Variants in ENPEP observed in about 807,000 individuals in gnomAD.
ENPEP encodes the protein AP-A.
In ENPEP, 103 loss-of-function variants were observed where a neutral mutation model predicts 114.5. The ratio of observed to expected loss-of-function variants is 0.90; its 90% confidence interval spans 0.77 to 1.06. The LOEUF (loss-of-function observed/expected upper bound fraction) is 1.06, where lower values mean the gene tolerates loss of function less well. ENPEP is among the 50% of genes least tolerant of loss of function. The probability of loss-of-function intolerance (pLI) is 0.00; values close to 1 mark genes in which losing one functional copy is unlikely to be tolerated. For missense variants in ENPEP, 1,196 were observed against 1,161.3 expected (o/e 1.03, Z -0.43); for synonymous variants, 420 against 422.0 (o/e 1.00, Z 0.06).
At chr4:110,560,206 G>C (rs1247769182) in intron 19 of ENPEP, among the ~76,000 whole-genome samples, 1 of 152,168 alleles carries the variant, frequency 6.6e-6, no homozygotes, top group Non-Finnish European at 1.5e-5. Context: ...TGGGCATTTA[G>C]GTTGGTTCCA....
chr4:110,506,614 A>AT (rs1470182598), intron 3 of ENPEP, 23 bp from the exon 4 acceptor site: 3 of 1,575,798 alleles, frequency 1.9e-6, no homozygotes, highest in Non-Finnish European at 2.6e-6. Flanking sequence ...TTTTCACTGA[A>AT]TTTTTTGTGT....
At chr4:110,540,927 A>T (rs1372581835) in intron 11 of ENPEP, among the ~76,000 whole-genome samples, 1 of 152,112 alleles carries the variant, frequency 6.6e-6, no homozygotes, top group Non-Finnish European at 1.5e-5. Context: ...CAGAGGGGTC[A>T]AGTGATCTGG....
chr4:110,517,259 C>T (rs1008856724), intron 8 of ENPEP, among the ~76,000 whole-genome samples: 1 of 152,108 alleles, frequency 6.6e-6, no homozygotes, highest in Non-Finnish European at 1.5e-5. Context: ...CATCTTTAAT[C>T]AGGGACTCTG....
At chr4:110,558,184 C>A (rs547471203) in intron 18 of ENPEP, among the ~76,000 whole-genome samples, 323 of 149,188 alleles carry the variant, frequency 2.2e-3, no homozygotes, top group Non-Finnish European at 3.5e-3. Flanking sequence ...TTTTAATTTG[C>A]ATAAAACAAA....
In ENPEP at chr4:110,502,235, C is replaced by T. The variant is rs183057459; in HGVS notation, c.919-4402C>T. On this transcript the variant is annotated intron_variant, in intron 3 of 19. Transcript: ENST00000265162. ...TATTTTCTCTCATTCTGTATGTTGT[C>T]TGTTTACTCTATTGATAGTTCCTTT... is the stretch of plus-strand genomic sequence containing the variant. 6.6e-5 allele frequency among the ~76,000 whole-genome samples: 10 copies of T among 152,230 alleles called. No individual in the cohort carries two copies. In the East Asian group the frequency reaches 1.9e-3, roughly 29 times the overall value.
chr4:110,535,103 TAGA>T (rs1214076801), intron 11 of ENPEP, among the ~76,000 whole-genome samples: 1 of 152,230 alleles, frequency 6.6e-6, no homozygotes, highest in East Asian at 1.9e-4. Context: ...TTCTAACATT[TAGA>T]AGGATTGAAG....
chr4:110,539,001 C>T (rs914563592), intron 11 of ENPEP, among the ~76,000 whole-genome samples: 1 of 151,914 alleles, frequency 6.6e-6, no homozygotes. Context: ...TCGTGGCTCC[C>T]CAAAACAATT....
intron 8 of ENPEP, 109 bp downstream of exon 8, chr4:110,515,551 A>G: frequency 1.1e-6 from 1 of 875,872 alleles, no homozygotes; most frequent in Admixed American, 2.4e-5. Flanking sequence ...TAATCTCTTT[A>G]CTGAGGCATA....
chr4:110,491,239 T>G (rs1287910676), intron 3 of ENPEP, 75 bp downstream of exon 3: 2 of 1,391,456 alleles, frequency 1.4e-6, no homozygotes, highest in Non-Finnish European at 1.9e-6. Context: ...TGGGTAGTTT[T>G]TTTTTTTTTT....
At position 110,565,057 on chromosome 4, in the gene ENPEP, A is replaced by G. The variant is rs1428746392; in HGVS notation, c.*3499A>G. On this transcript the variant is annotated 3_prime_UTR_variant, in exon 20 of 20. Coordinates refer to ENST00000265162, the MANE Select transcript of ENPEP (RefSeq NM_001977.4). Reference sequence around the variant, plus strand: ...CCTAATATAAACACCAAACTAATATACTCCTCTACCATAGTAATTTATTTC... The same window carrying G: ...CCTAATATAAACACCAAACTAATATGCTCCTCTACCATAGTAATTTATTTC... The G allele has an allele frequency of 6.6e-6, 1 of 151,696 alleles. No homozygotes were observed. The highest frequency in any genetic ancestry group is 1.9e-4 in the East Asian group (1 of 5,170). The allele number at this position is 151,696 out of a possible 1,614,324, so 9.4% of individuals were successfully genotyped here.
intron 11 of ENPEP, among the ~76,000 whole-genome samples, chr4:110,535,816 G>T (rs1215302322): frequency 6.6e-6 from 1 of 152,032 alleles, no homozygotes; most frequent in South Asian, 2.1e-4. Flanking sequence ...GAGAAACACC[G>T]TCTCTACTGA....
intron 19 of ENPEP, among the ~76,000 whole-genome samples, chr4:110,560,712 T>A (rs2110405907): frequency 6.6e-6 from 1 of 152,244 alleles, no homozygotes; most frequent in African/African-American, 2.4e-5. Context: ...GAATTCATAG[T>A]TTTGCAATTT....
At chr4:110,522,880 C>T (rs1001024896) in intron 10 of ENPEP, among the ~76,000 whole-genome samples, 33 of 151,888 alleles carry the variant, frequency 2.2e-4, no homozygotes, top group Admixed American at 2.2e-3. Flanking sequence ...TAAGGCTGCA[C>T]TTTAGAAAGG....
chr4:110,526,306 A>G (rs937186079), intron 10 of ENPEP, among the ~76,000 whole-genome samples: 3 of 152,096 alleles, frequency 2.0e-5, no homozygotes, highest in Non-Finnish European at 4.4e-5. Context: ...CCGCCCCAAA[A>G]CAGAAATTAC....
At chr4:110,533,243 C>T (rs1726473024) in intron 11 of ENPEP, 1 of 271,984 alleles carries the variant, frequency 3.7e-6, no homozygotes, top group East Asian at 8.5e-5. Flanking sequence ...AAAGCTTACT[C>T]AAGTGCTTTG....
chr4:110,545,909 T>C (rs1260240096), intron 13 of ENPEP, among the ~76,000 whole-genome samples: 2 of 151,934 alleles, frequency 1.3e-5, no homozygotes, highest in African/African-American at 2.4e-5. Flanking sequence ...AGCAGCCAAA[T>C]AGCCTCTCAT....
In ENPEP at chr4:110,563,444, G is replaced by A; in HGVS notation, c.*1886G>A. The A allele has an allele frequency of 1.3e-5, 2 of 152,256 alleles. No homozygotes were observed. Among genetic ancestry groups the A allele is most frequent in the Middle Eastern group, 3.4e-3 (1 of 294 alleles). 9.4% of individuals were successfully genotyped at this position (152,256 alleles called of 1,614,324 possible). On this transcript the variant is annotated 3_prime_UTR_variant, in exon 20 of 20. Transcript: ENST00000265162. ...TTCTTTTCACTCCACACGCGAAAGA[G>A]TTGTATGTACTTTGTCAGAATAAGT...
In ENPEP at chr4:110,476,922, G is replaced by A. The variant is rs769022928; in HGVS notation, c.508G>A (p.Val170Met). 8.7e-6 allele frequency: 14 copies of A among 1,614,180 alleles called. No homozygotes were observed. Among genetic ancestry groups the A allele is most frequent in the Non-Finnish European group, 1.2e-5 (14 of 1,180,046 alleles). The change falls in exon 1 of 20, where the codon GTG (valine) becomes ATG (methionine). Residue 170 changes from valine (V) to methionine (M), a missense_variant. Physicochemically the swap from Val to Met is conservative, Grantham distance 21. Transcript: ENST00000265162. The part of the protein sequence containing the change: ...CFEYKKQEYV[V>M]VEAEEELTPS... ...CGAGTACAAAAAGCAGGAGTACGTGGTGGTCGAGGCGGAGGAAGAGCTTAC... is the reference window on the plus strand; with the variant it reads ...CGAGTACAAAAAGCAGGAGTACGTGATGGTCGAGGCGGAGGAAGAGCTTAC...
chr4:110,542,172 T>C (rs1055634346), intron 11 of ENPEP, among the ~76,000 whole-genome samples: 5 of 152,166 alleles, frequency 3.3e-5, no homozygotes, highest in African/African-American at 1.2e-4. Flanking sequence ...TTCATTCAGA[T>C]CTCAATTCTA....
Sources: gnomAD v4.1 joint callset for allele counts (sites outside exome capture counted in the v4.1 genomes callset) on GRCh38, gnomAD v4.1.1 for gene constraint, MANE v1.5 for transcripts, NCBI Gene and HGNC (gene_info 2026-07-23, HGNC 2026-07-21) for gene names.